Variants in THSD7B observed in about 807,000 individuals in gnomAD.
The protein encoded by THSD7B is thrombospondin type 1 domain containing 7B, also known as thrombospondin type-1 domain-containing protein 7B.
THSD7B carries 138 observed loss-of-function variants against 213.6 expected under a neutral mutation model. The ratio of observed to expected loss-of-function variants is 0.65; its 90% CI spans 0.56 to 0.74. The LOEUF (loss-of-function observed/expected upper bound fraction) is 0.74. Ranked by LOEUF, THSD7B falls within the 30% of genes least tolerant of loss-of-function variation. THSD7B has a pLI of 0.00. For missense variants in THSD7B, 1,931 were observed against 1,991.5 expected (o/e 0.97, Z 0.58); for synonymous variants, 742 against 687.0 (o/e 1.08, Z -1.25).
intron 7 of THSD7B, among the ~76,000 whole-genome samples, chr2:137,190,097 A>T (rs1204245228): frequency 6.6e-6 from 1 of 152,162 alleles, no homozygotes; most frequent in Non-Finnish European, 1.5e-5. Flanking sequence ...AATAGCCCAC[A>T]ATTAAGGCTT....
chr2:136,956,285 A>G (rs1021451589), intron 2 of THSD7B, among the ~76,000 whole-genome samples: 12 of 152,186 alleles, frequency 7.9e-5, no homozygotes, highest in African/African-American at 2.7e-4. Context: ...AGCAGCCTAC[A>G]GTGCCAGTTT....
intron 21 of THSD7B, among the ~76,000 whole-genome samples, chr2:137,646,801 TAA>T (rs1683042018): frequency 6.6e-6 from 1 of 152,106 alleles, no homozygotes; most frequent in African/African-American, 2.4e-5. Context: ...ATGAACAGAC[TAA>T]GAGACTATCT....
chr2:137,350,383 T>C (rs572989755), intron 12 of THSD7B, among the ~76,000 whole-genome samples: 1 of 151,696 alleles, frequency 6.6e-6, no homozygotes, highest in African/African-American at 2.4e-5. Context: ...TGTAAATCCG[T>C]GTGTAAGGAA....
chr2:137,495,099 C>T (rs1432441218), intron 15 of THSD7B, among the ~76,000 whole-genome samples: 6 of 152,124 alleles, frequency 3.9e-5, no homozygotes, highest in Non-Finnish European at 8.8e-5. Context: ...TAGGTAGAAT[C>T]CTTTGCACAG....
intron 12 of THSD7B, among the ~76,000 whole-genome samples, chr2:137,371,181 A>G (rs1685530704): frequency 6.6e-6 from 1 of 152,100 alleles, no homozygotes; most frequent in South Asian, 2.1e-4. Flanking sequence ...GATCTCCCTT[A>G]AACATTATTC....
chr2:137,040,917 G>A (rs1686871953), intron 2 of THSD7B, among the ~76,000 whole-genome samples: 1 of 152,162 alleles, frequency 6.6e-6, no homozygotes, highest in African/African-American at 2.4e-5. Flanking sequence ...ATCAGGACAG[G>A]AATTATGAGG....
intron 1 of THSD7B, among the ~76,000 whole-genome samples, chr2:136,875,791 T>C (rs1652445): frequency 1 from 151,611 of 152,350 alleles, 75,444 homozygotes; most frequent in East Asian, 1. Context: ...AACCAAGGCT[T>C]ATAGCAAACT....
intron 5 of THSD7B, among the ~76,000 whole-genome samples, chr2:137,130,335 C>A (rs1052978488): frequency 2.0e-5 from 3 of 152,100 alleles, no homozygotes; most frequent in African/African-American, 7.2e-5. Flanking sequence ...GTTTCCATCT[C>A]CATAGTTACT....
chr2:137,066,439 C>A (rs1265528004), intron 3 of THSD7B, among the ~76,000 whole-genome samples: 1 of 151,990 alleles, frequency 6.6e-6, no homozygotes, highest in Non-Finnish European at 1.5e-5. Flanking sequence ...AATAATCTGC[C>A]CACTTCGGCC....
chr2:137,143,874 AATC>A lies in THSD7B; in HGVS notation c.1370-16335_1370-16333del, dbSNP rs1272441178. 2.0e-5 allele frequency among the ~76,000 whole-genome samples: 3 copies of A among 152,212 alleles called. No individual in the cohort carries two copies. In the East Asian group the frequency reaches 5.8e-4, roughly 29 times the overall value. On this transcript the variant is annotated intron_variant, in intron 5 of 27. Transcript: ENST00000409968. The stretch of plus-strand genomic sequence containing the variant: ...ATTGGTTTGGGATCTTTTTTTAACC[AATC>A]ATCTGAATTTTTTTGATTTGTACAT...
chr2:137,003,469 T>C (rs1686040247), intron 2 of THSD7B, among the ~76,000 whole-genome samples: 1 of 152,208 alleles, frequency 6.6e-6, no homozygotes, highest in Non-Finnish European at 1.5e-5. Context: ...TTGAAGTCAG[T>C]GACCAGAATC....
At chr2:137,502,380 A>G (rs572891804) in intron 15 of THSD7B, among the ~76,000 whole-genome samples, 79 of 152,248 alleles carry the variant, frequency 5.2e-4, no homozygotes, top group African/African-American at 1.8e-3. Flanking sequence ...AGAGAGAGAC[A>G]GATACAGAGA....
At chr2:137,048,271 TA>T (rs1050758257) in intron 2 of THSD7B, among the ~76,000 whole-genome samples, 48 of 152,236 alleles carry the variant, frequency 3.2e-4, no homozygotes, top group African/African-American at 1.0e-3. Context: ...AGATTTTTTT[TA>T]AAAAAATGCT....
intron 7 of THSD7B, among the ~76,000 whole-genome samples, chr2:137,192,094 CTACAGTGT>C (rs1220061186): frequency 1.3e-5 from 2 of 152,016 alleles, no homozygotes; most frequent in Non-Finnish European, 2.9e-5. Flanking sequence ...TTATACCTCC[CTACAGTGT>C]TACTGGGATT....
At chr2:137,074,061 G>T (rs1178838126) in intron 3 of THSD7B, among the ~76,000 whole-genome samples, 1 of 151,922 alleles carries the variant, frequency 6.6e-6, no homozygotes, top group African/African-American at 2.4e-5. Context: ...TGTACATTCT[G>T]TTGATTTGGG....
At chr2:136,805,030 G>A (rs925242143) in intron 1 of THSD7B, among the ~76,000 whole-genome samples, 1 of 152,192 alleles carries the variant, frequency 6.6e-6, no homozygotes, top group Non-Finnish European at 1.5e-5. Flanking sequence ...ATAGCAGGCT[G>A]TTATACTGAG....
intron 12 of THSD7B, among the ~76,000 whole-genome samples, chr2:137,398,168 A>G (rs1242451867): frequency 1.3e-5 from 2 of 150,158 alleles, no homozygotes; most frequent in Admixed American, 6.6e-5. Flanking sequence ...TCAGCTCGTC[A>G]AAGTCATTCT....
intron 12 of THSD7B, among the ~76,000 whole-genome samples, chr2:137,349,979 CAG>C (rs1684971166): frequency 6.6e-6 from 1 of 151,702 alleles, no homozygotes; most frequent in Non-Finnish European, 1.5e-5. Flanking sequence ...AGTTTGGGGC[CAG>C]AGACAGTGAT....
chr2:136,883,462 T>TC (rs1455178660), intron 2 of THSD7B, among the ~76,000 whole-genome samples: 6 of 152,082 alleles, frequency 3.9e-5, no homozygotes, highest in African/African-American at 1.4e-4. Flanking sequence ...CATTTTTTTT[T>TC]CCCTCAGAGT....
Sources: gnomAD v4.1 joint callset for allele counts (sites outside exome capture counted in the v4.1 genomes callset) on GRCh38, gnomAD v4.1.1 for gene constraint, MANE v1.5 for transcripts, NCBI Gene and HGNC (gene_info 2026-07-23, HGNC 2026-07-21) for gene names.